STX8: variants seen among roughly 807,000 people sequenced by gnomAD.
STX8 encodes the protein syntaxin-8.
STX8 carries 23 observed loss-of-function variants against 37.5 expected under a neutral mutation model. The ratio of observed to expected loss-of-function variants is 0.61; its 90% CI spans 0.44 to 0.87. The LOEUF is 0.87. STX8 is among the 40% of genes least tolerant of loss of function. STX8 has a pLI of 0.00. For synonymous variants in STX8, 115 were observed against 99.1 expected (o/e 1.16, Z -0.95); for missense variants, 313 against 284.7 (o/e 1.10, Z -0.71).
chr17:9,344,113 A>G (rs1910456019), intron 7 of STX8, among the ~76,000 whole-genome samples: 1 of 152,168 alleles, frequency 6.6e-6, no homozygotes, highest in Non-Finnish European at 1.5e-5. Context: ...GCCTAAGTAC[A>G]GGATGCTTCC....
At position 9,565,757 on chromosome 17, in the gene STX8, T is replaced by A. The variant is rs181948660; in HGVS notation, c.117+2614A>T. Among the ~76,000 whole-genome samples, 6 of 152,288 alleles carry A rather than the reference T, an allele frequency of 3.9e-5. No individual in the cohort carries two copies. The East Asian group carries it at 1.2e-3, about 29-fold the overall frequency. The stretch of plus-strand genomic sequence containing the variant: ...GGTGCTGGGATAACTGGCTACCACG[T>A]GCAGAAGATAGAAATTGAACTCCTT... On this transcript the variant is annotated intron_variant, in intron 2 of 7. Transcript: ENST00000306357.
At chr17:9,314,153 C>G (rs895543382) in intron 7 of STX8, among the ~76,000 whole-genome samples, 1 of 152,194 alleles carries the variant, frequency 6.6e-6, no homozygotes, top group African/African-American at 2.4e-5. Flanking sequence ...ACTCCTTGCT[C>G]TCTAAAAATG....
At chr17:9,568,257 G>A in intron 2 of STX8, 114 bp downstream of exon 2, 1 of 709,312 alleles carries the variant, frequency 1.4e-6, no homozygotes, top group Non-Finnish European at 2.3e-6. Flanking sequence ...ACATATGTAA[G>A]CAGATAGATC....
chr17:9,428,955 T>C, intron 6 of STX8, among the ~76,000 whole-genome samples: 1 of 152,072 alleles, frequency 6.6e-6, no homozygotes, highest in East Asian at 1.9e-4. Context: ...TGAAAGAAAA[T>C]GCAACCAATG....
At chr17:9,314,000 A>G (rs1218473516) in intron 7 of STX8, among the ~76,000 whole-genome samples, 2 of 152,154 alleles carry the variant, frequency 1.3e-5, no homozygotes, top group Admixed American at 6.6e-5. Flanking sequence ...ATAAGAGTTT[A>G]CCTACATTTC....
At chr17:9,559,468 A>G (rs1302928392) in intron 2 of STX8, among the ~76,000 whole-genome samples, 7 of 151,860 alleles carry the variant, frequency 4.6e-5, no homozygotes, top group Admixed American at 3.3e-4. Context: ...GTTAATAATT[A>G]AAAACAGAAT....
chr17:9,449,189 C>T (rs530747685), intron 6 of STX8, among the ~76,000 whole-genome samples: 60 of 152,268 alleles, frequency 3.9e-4, no homozygotes, highest in African/African-American at 1.4e-3. Flanking sequence ...CACAAAAATC[C>T]AAACATACCC....
intron 4 of STX8, among the ~76,000 whole-genome samples, chr17:9,541,077 C>A (rs929212383): frequency 6.6e-6 from 1 of 152,212 alleles, no homozygotes; most frequent in Non-Finnish European, 1.5e-5. Flanking sequence ...AAAAAAACCA[C>A]CTGACACTAA....
intron 7 of STX8, chr17:9,378,199 T>C: frequency 5.3e-6 from 1 of 188,850 alleles, no homozygotes; most frequent in East Asian, 1.5e-4. Flanking sequence ...TCAATTAAGC[T>C]TGTGGTTATT....
At chr17:9,432,044 T>A (rs1466670413) in intron 6 of STX8, among the ~76,000 whole-genome samples, 1 of 152,216 alleles carries the variant, frequency 6.6e-6, no homozygotes, top group African/African-American at 2.4e-5. Context: ...TCACCATCAT[T>A]TTAAGTTAAA....
At chr17:9,323,960 C>T (rs753352729) in intron 7 of STX8, among the ~76,000 whole-genome samples, 3 of 152,078 alleles carry the variant, frequency 2.0e-5, no homozygotes, top group East Asian at 1.9e-4. Flanking sequence ...GGGACACAGG[C>T]GCAGTGGGGC....
At position 9,250,585 on chromosome 17, in the gene STX8, G is replaced by T. The variant is rs530682851; in HGVS notation, c.704C>A (p.Thr235Asn). 3.8e-6 allele frequency: 6 copies of T among 1,594,266 alleles called. No homozygotes were observed. The highest frequency in any genetic ancestry group is 5.1e-6 in the Non-Finnish European group (6 of 1,170,604). ...VAIVVVAVWP[T>N]N ...GTGGTCTCTTTACTGCCATCAGTTG[G>T]TCGGCCAGACTGCAACAACCACGAT... The change falls in exon 8 of 8, where the codon ACC becomes AAC. Residue 235 changes from threonine (T) to asparagine (N), a missense_variant. Transcript: ENST00000306357.
intron 7 of STX8, among the ~76,000 whole-genome samples, chr17:9,321,581 G>A (rs937278701): frequency 5.9e-5 from 9 of 151,664 alleles, no homozygotes; most frequent in East Asian, 1.9e-4. Flanking sequence ...GTACACTGGC[G>A]CAATCCCAGC....
intron 7 of STX8, among the ~76,000 whole-genome samples, chr17:9,368,431 G>A (rs1178585888): frequency 2.0e-5 from 3 of 152,066 alleles, no homozygotes; most frequent in Non-Finnish European, 4.4e-5. Flanking sequence ...ATGAACCCAG[G>A]AAGCATAGCT....
intron 6 of STX8, among the ~76,000 whole-genome samples, chr17:9,449,392 C>A (rs1198806861): frequency 6.6e-6 from 1 of 152,162 alleles, no homozygotes; most frequent in African/African-American, 2.4e-5. Context: ...AACCCCGTCT[C>A]CACTAAAAAT....
intron 6 of STX8, among the ~76,000 whole-genome samples, chr17:9,441,738 C>T (rs1388418081): frequency 7.0e-6 from 1 of 142,250 alleles, no homozygotes; most frequent in Admixed American, 7.4e-5. Flanking sequence ...TGCAGTGGCG[C>T]GATCTCAGCT....
intron 4 of STX8, among the ~76,000 whole-genome samples, chr17:9,506,422 C>CCCCCCCCCCG (rs1286101644): frequency 2.7e-5 from 3 of 109,408 alleles, no homozygotes; most frequent in African/African-American, 1.2e-4. Context: ...CCCCCCCCCA[C>CCCCCCCCCCG]CCACCTTTCT....
chr17:9,531,853 T>C (rs1905832069), intron 4 of STX8, among the ~76,000 whole-genome samples: 2 of 152,180 alleles, frequency 1.3e-5, no homozygotes, highest in Admixed American at 6.5e-5. Context: ...GACAGCAGCC[T>C]TAAAATTTTT....
chr17:9,549,394 G>A (rs1906675813), intron 3 of STX8, among the ~76,000 whole-genome samples: 1 of 152,158 alleles, frequency 6.6e-6, no homozygotes, highest in South Asian at 2.1e-4. Context: ...TGCTAGAAGA[G>A]GCCTTAAAGA....
Sources: allele counts gnomAD v4.1 joint callset (sites outside exome capture counted in the v4.1 genomes callset), GRCh38; gene constraint gnomAD v4.1.1; transcripts MANE v1.5; gene names NCBI Gene and HGNC (gene_info 2026-07-23, HGNC 2026-07-21).